NGF: variants seen among roughly 807,000 people sequenced by gnomAD.
NGF encodes the protein beta-nerve growth factor.
NGF carries 4 observed loss-of-function variants against 12.8 expected under a neutral mutation model. That is an observed-to-expected ratio of 0.31 (90% CI 0.15 to 0.72). NGF has a LOEUF of 0.72. NGF is among the 30% of genes least tolerant of loss of function. The pLI is 0.69. For synonymous variants in NGF, 140 were observed against 130.0 expected (o/e 1.08, Z -0.52); for missense variants, 283 against 330.8 (o/e 0.86, Z 1.12).
intron 1 of NGF, among the ~76,000 whole-genome samples, chr1:115,333,088 C>T (rs1238141350): frequency 6.6e-6 from 1 of 152,180 alleles, no homozygotes; most frequent in African/African-American, 2.4e-5. Context: ...CAGTCTCCCC[C>T]ACCCCCTAAC....
chr1:115,322,611 G>A (rs1488545750), intron 1 of NGF, among the ~76,000 whole-genome samples: 2 of 152,330 alleles, frequency 1.3e-5, no homozygotes, highest in Non-Finnish European at 2.9e-5. Flanking sequence ...TGACAGAGGA[G>A]CTAGCAAGGG....
chr1:115,315,954 A>G (rs748222271), intron 1 of NGF, among the ~76,000 whole-genome samples: 12 of 152,130 alleles, frequency 7.9e-5, no homozygotes, highest in Admixed American at 3.3e-4. Flanking sequence ...TGTCTCTTAG[A>G]TTGTCAAGCA....
intron 1 of NGF, among the ~76,000 whole-genome samples, chr1:115,302,799 T>C (rs1331406850): frequency 2.0e-5 from 3 of 152,198 alleles, no homozygotes; most frequent in African/African-American, 4.8e-5. Context: ...AGCTCTCACC[T>C]TTTGTCCCAG....
intron 1 of NGF, among the ~76,000 whole-genome samples, chr1:115,317,178 A>G (rs939427175): frequency 2.0e-5 from 3 of 151,856 alleles, no homozygotes; most frequent in Non-Finnish European, 4.4e-5. Flanking sequence ...TAATTTTCCA[A>G]TGTGATGGCG....
chr1:115,318,605 C>T (rs1180820047), intron 1 of NGF, among the ~76,000 whole-genome samples: 1 of 152,226 alleles, frequency 6.6e-6, no homozygotes, highest in Non-Finnish European at 1.5e-5. Context: ...CAGCACCAGC[C>T]TCCACCCCTA....
intron 1 of NGF, among the ~76,000 whole-genome samples, chr1:115,305,661 T>C (rs1479807494): frequency 6.6e-6 from 1 of 152,204 alleles, no homozygotes; most frequent in African/African-American, 2.4e-5. Context: ...GGGAGCTCCC[T>C]CCTCATGAAG....
At chr1:115,321,066 C>T (rs1654611445) in intron 1 of NGF, among the ~76,000 whole-genome samples, 1 of 152,188 alleles carries the variant, frequency 6.6e-6, no homozygotes, top group South Asian at 2.1e-4. Flanking sequence ...ATGAATCATC[C>T]CTTCTTCCAG....
chr1:115,332,769 C>T (rs531497072), intron 1 of NGF, among the ~76,000 whole-genome samples: 2 of 152,308 alleles, frequency 1.3e-5, no homozygotes, highest in South Asian at 4.1e-4. Flanking sequence ...TGGAGTACCC[C>T]GTCCTTCCCC....
intron 1 of NGF, among the ~76,000 whole-genome samples, chr1:115,334,875 G>A (rs1655065998): frequency 6.6e-6 from 1 of 152,176 alleles, no homozygotes; most frequent in Non-Finnish European, 1.5e-5. Flanking sequence ...CTTGCCTAAT[G>A]AGTTGGGAAA....
intron 1 of NGF, among the ~76,000 whole-genome samples, chr1:115,329,459 C>T (rs773048601): frequency 5.9e-5 from 9 of 152,238 alleles, no homozygotes; most frequent in South Asian, 4.1e-4. Flanking sequence ...ATCCGCTGTT[C>T]GAAATCATGC....
At chr1:115,299,301 T>C (rs1653963283) in intron 1 of NGF, among the ~76,000 whole-genome samples, 1 of 152,202 alleles carries the variant, frequency 6.6e-6, no homozygotes, top group African/African-American at 2.4e-5. Context: ...TTGGGAAATT[T>C]GTGGGTAAAT....
intron 1 of NGF, among the ~76,000 whole-genome samples, chr1:115,312,819 G>A (rs1654370002): frequency 6.6e-6 from 1 of 152,154 alleles, no homozygotes; most frequent in Non-Finnish European, 1.5e-5. Context: ...GTAAAAAGAA[G>A]ATTCCATGGT....
intron 1 of NGF, among the ~76,000 whole-genome samples, chr1:115,323,600 C>G (rs1035022520): frequency 6.6e-6 from 1 of 152,164 alleles, no homozygotes; most frequent in African/African-American, 2.4e-5. Flanking sequence ...CTGAGTCAGG[C>G]TAAATTAAAC....
Position 115,286,005 on chromosome 1 carries a change from A to C in NGF, c.*65T>G. ...GTCCTTATAATTTAAAATAATTTAC[A>C]GGTTGAGGTAGGGAGGGGCCCAGGA... is the stretch of plus-strand genomic sequence containing the variant. On this transcript the variant is annotated 3_prime_UTR_variant, in exon 3 of 3. Transcript: ENST00000369512. 1 of 1,558,322 alleles carries C rather than the reference A, an allele frequency of 6.4e-7. No homozygotes were observed. Among genetic ancestry groups the C allele is most frequent in the African/African-American group, 1.4e-5 (1 of 72,994 alleles).
rs1006914563 is a variant in NGF, at chr1:115,310,557, G to A, written c.-136-16807C>T. Among the ~76,000 whole-genome samples the A allele has an allele frequency of 2.6e-5, 4 of 152,232 alleles. 1 individual carries two copies. In the South Asian group the frequency reaches 6.2e-4, roughly 24 times the overall value. On this transcript the variant is annotated intron_variant, in intron 1 of 2. Transcript: ENST00000369512. ...AGAAACATGGTCAACCCGTGAGCAG[G>A]CCCTATGTTTGGTCAAGTTACAGTC...
At chr1:115,295,875 C>T (rs1304907035) in intron 1 of NGF, among the ~76,000 whole-genome samples, 1 of 151,972 alleles carries the variant, frequency 6.6e-6, no homozygotes, top group African/African-American at 2.4e-5. Flanking sequence ...CTGTGCTGGC[C>T]ACTGTTTTAA....
chr1:115,337,267 G>GTTTTTTTTTTTTTTTTTTTTTTTTTTTT (rs67307707), intron 1 of NGF, among the ~76,000 whole-genome samples: 4 of 81,030 alleles, frequency 4.9e-5, no homozygotes, highest in Non-Finnish European at 9.4e-5. Flanking sequence ...TTTTGTTTTT[G>GTTTTTTTTTTTTTTTTTTTTTTTTTTTT]TTTTTTTTTT....
intron 1 of NGF, among the ~76,000 whole-genome samples, chr1:115,300,106 C>T (rs1005081375): frequency 6.6e-6 from 1 of 152,204 alleles, no homozygotes; most frequent in African/African-American, 2.4e-5. Context: ...TGAATGTCCT[C>T]GGCTCTTCTT....
intron 1 of NGF, among the ~76,000 whole-genome samples, chr1:115,328,201 G>A (rs187554510): frequency 1.8e-4 from 28 of 152,272 alleles, no homozygotes; most frequent in Admixed American, 7.8e-4. Flanking sequence ...GGGAACAAGG[G>A]TGAATACAGA....
Sources: gnomAD v4.1 joint callset for allele counts (sites outside exome capture counted in the v4.1 genomes callset) on GRCh38, gnomAD v4.1.1 for gene constraint, MANE v1.5 for transcripts, NCBI Gene and HGNC (gene_info 2026-07-23, HGNC 2026-07-21) for gene names.